Variants in CERS6 observed in about 807,000 individuals in gnomAD.
CERS6 encodes the protein ceramide synthase 6, also known as LAG1 homolog, ceramide synthase 6.
CERS6 carries 26 observed loss-of-function variants against 56.8 expected under a neutral mutation model. The ratio of observed to expected loss-of-function variants is 0.46; its 90% CI spans 0.34 to 0.63. The LOEUF is 0.63. CERS6 is among the 30% of genes least tolerant of loss of function. The pLI is 0.01. For synonymous variants in CERS6, 164 were observed against 173.3 expected (o/e 0.95, Z 0.42); for missense variants, 415 against 467.5 (o/e 0.89, Z 1.04).
At chr2:168,648,140 C>A (rs1408306777) in intron 4 of CERS6, among the ~76,000 whole-genome samples, 3 of 151,914 alleles carry the variant, frequency 2.0e-5, no homozygotes, top group Non-Finnish European at 4.4e-5. Context: ...TCCATCAGGT[C>A]CTGGGCTTTT....
intron 1 of CERS6, among the ~76,000 whole-genome samples, chr2:168,525,550 T>C (rs1244753334): frequency 6.6e-6 from 1 of 152,194 alleles, no homozygotes; most frequent in African/African-American, 2.4e-5. Flanking sequence ...TGTAATGGGG[T>C]AAATAATCCC....
chr2:168,502,237 T>C (rs942941187), intron 1 of CERS6, among the ~76,000 whole-genome samples: 2 of 152,118 alleles, frequency 1.3e-5, no homozygotes, highest in Admixed American at 1.3e-4. Context: ...TGGATGTTCG[T>C]TTGGACCTTC....
intron 1 of CERS6, among the ~76,000 whole-genome samples, chr2:168,533,842 AG>A: frequency 6.6e-6 from 1 of 152,134 alleles, no homozygotes. Context: ...CATGTCCTTC[AG>A]GTAGGTACTC....
chr2:168,512,265 A>G (rs567277333), intron 1 of CERS6, among the ~76,000 whole-genome samples: 2 of 152,268 alleles, frequency 1.3e-5, no homozygotes, highest in Non-Finnish European at 2.9e-5. Flanking sequence ...GATGGTGGTG[A>G]TGGTTGCTCA....
At chr2:168,603,620 C>A (rs1465316564) in intron 3 of CERS6, among the ~76,000 whole-genome samples, 1 of 152,232 alleles carries the variant, frequency 6.6e-6, no homozygotes, top group Non-Finnish European at 1.5e-5. Flanking sequence ...GCTCTTTTAA[C>A]ATCTTTCAGA....
At chr2:168,626,271 T>C (rs1447639468) in intron 3 of CERS6, among the ~76,000 whole-genome samples, 1 of 152,206 alleles carries the variant, frequency 6.6e-6, no homozygotes, top group Non-Finnish European at 1.5e-5. Flanking sequence ...ATAAAAGTTG[T>C]AAATCAAACG....
chr2:168,608,115 A>G (rs1273747377), intron 3 of CERS6, among the ~76,000 whole-genome samples: 3 of 152,224 alleles, frequency 2.0e-5, no homozygotes, highest in Non-Finnish European at 4.4e-5. Context: ...TTGCCTTTTC[A>G]GAACATTTCA....
At chr2:168,764,359 G>T (rs1395181336) in intron 8 of CERS6, among the ~76,000 whole-genome samples, 1 of 151,934 alleles carries the variant, frequency 6.6e-6, no homozygotes, top group African/African-American at 2.4e-5. Context: ...AGCCAGGATG[G>T]TCTCAATCTC....
chr2:168,733,740 C>T (rs1683624960), intron 8 of CERS6, among the ~76,000 whole-genome samples: 1 of 152,178 alleles, frequency 6.6e-6, no homozygotes, highest in Non-Finnish European at 1.5e-5. Flanking sequence ...ATTCTGGAAA[C>T]ATGATGATGG....
At chr2:168,523,655 A>G (rs1005830609) in intron 1 of CERS6, among the ~76,000 whole-genome samples, 4 of 152,054 alleles carry the variant, frequency 2.6e-5, no homozygotes, top group Non-Finnish European at 5.9e-5. Context: ...GAATAACTAC[A>G]GTGTCAAGCA....
intron 8 of CERS6, among the ~76,000 whole-genome samples, chr2:168,719,362 T>C (rs1236400185): frequency 6.6e-6 from 1 of 152,202 alleles, no homozygotes; most frequent in Non-Finnish European, 1.5e-5. Context: ...ACTGAGGAGC[T>C]CTGTTGGCTA....
chr2:168,757,107 A>G (rs748919939), intron 8 of CERS6, among the ~76,000 whole-genome samples: 3 of 152,308 alleles, frequency 2.0e-5, no homozygotes, highest in African/African-American at 7.2e-5. Context: ...CTTAACACGT[A>G]GTAATTACTC....
intron 1 of CERS6, among the ~76,000 whole-genome samples, chr2:168,462,591 C>G (rs554212278): frequency 1.3e-5 from 2 of 152,308 alleles, no homozygotes; most frequent in African/African-American, 4.8e-5. Flanking sequence ...GTTGTCCAGG[C>G]TTGAGTGCAG....
At chr2:168,736,634 G>A (rs1683725194) in intron 8 of CERS6, among the ~76,000 whole-genome samples, 1 of 152,234 alleles carries the variant, frequency 6.6e-6, no homozygotes, top group African/African-American at 2.4e-5. Context: ...CCTATGTAGA[G>A]GAGGATTCTT....
At chr2:168,734,640 A>G (rs1683659061) in intron 8 of CERS6, among the ~76,000 whole-genome samples, 1 of 152,206 alleles carries the variant, frequency 6.6e-6, no homozygotes, top group South Asian at 2.1e-4. Context: ...GTATATTGGG[A>G]ACATACATGG....
chr2:168,593,590 G>A (rs1683726928), intron 3 of CERS6, among the ~76,000 whole-genome samples: 1 of 152,066 alleles, frequency 6.6e-6, no homozygotes, highest in African/African-American at 2.4e-5. Context: ...GTCTTTCTGT[G>A]CACATAATAG....
chr2:168,524,156 T>C (rs1221387041), intron 1 of CERS6, among the ~76,000 whole-genome samples: 1 of 152,142 alleles, frequency 6.6e-6, no homozygotes, highest in East Asian at 1.9e-4. Flanking sequence ...TAGAAGCAGG[T>C]AGTGTGTTTT....
chr2:168,507,662 T>G (rs115064584), intron 1 of CERS6, among the ~76,000 whole-genome samples: 155 of 152,322 alleles, frequency 1.0e-3, no homozygotes, highest in African/African-American at 3.3e-3. Context: ...TTCCAAGGTT[T>G]TGCCAACATC....
rs1230434789 is a variant in CERS6 at position 168,705,177 on chromosome 2, G to C, written c.610-9824G>C. 2.6e-5 allele frequency among the ~76,000 whole-genome samples: 4 copies of C among 152,258 alleles called. No individual in the cohort carries two copies. The East Asian group carries it at 7.7e-4, about 29-fold the overall frequency. ...GGCATTCCCGTGCCTCAGTTTCTAT[G>C]TAAAATAGAGTTTCAAAGTCATACT... On this transcript the variant is annotated intron_variant, in intron 6 of 9. Coordinates refer to ENST00000305747, the MANE Select transcript of CERS6 (RefSeq NM_203463.3).
Sources: allele counts gnomAD v4.1 joint callset (sites outside exome capture counted in the v4.1 genomes callset), GRCh38; gene constraint gnomAD v4.1.1; transcripts MANE v1.5; gene names NCBI Gene and HGNC (gene_info 2026-07-23, HGNC 2026-07-21).